FBXO4: variants seen among roughly 807,000 people sequenced by gnomAD.
The protein encoded by FBXO4 is F-box only protein 4.
A neutral mutation model predicts 43.7 loss-of-function variants in FBXO4; 36 were observed. That is an observed-to-expected ratio of 0.82 (90% CI 0.63 to 1.09). FBXO4 has a LOEUF of 1.09. Ranked by LOEUF, FBXO4 falls within the 50% of genes least tolerant of loss-of-function variation. The pLI is 0.00. For missense variants in FBXO4, 435 were observed against 474.1 expected (o/e 0.92, Z 0.77); for synonymous variants, 180 against 165.6 (o/e 1.09, Z -0.67).
chr5:41,929,648 A>C (rs747358027), intron 2 of FBXO4, 49 bp from the exon 3 acceptor site: 9 of 1,353,402 alleles, frequency 6.6e-6, no homozygotes, highest in Non-Finnish European at 9.2e-6. Context: ...TTGAATGAAT[A>C]ACTGGCTGTT....
the FBXO4 span, among the ~76,000 whole-genome samples, chr5:42,005,436 C>A: frequency 6.6e-6 from 1 of 152,078 alleles, no homozygotes. Context: ...ATTTACAAAC[C>A]ATTTTCAGAT....
At chr5:41,939,320 C>T (rs1751935008) in intron 5 of FBXO4, 121 bp from the exon 6 acceptor site, 14 of 822,874 alleles carry the variant, frequency 1.7e-5, no homozygotes, top group Middle Eastern at 3.8e-4. Flanking sequence ...GATTTTTTTC[C>T]CTCAGTTTAT....
chr5:41,971,346 G>A, the FBXO4 span, among the ~76,000 whole-genome samples: 13 of 151,774 alleles, frequency 8.6e-5, no homozygotes, highest in Non-Finnish European at 1.9e-4. Context: ...TTCCTATAGT[G>A]CATATGTGCT....
the FBXO4 span, among the ~76,000 whole-genome samples, chr5:41,970,232 T>C: frequency 6.6e-6 from 1 of 152,076 alleles, no homozygotes; most frequent in Admixed American, 6.5e-5. Context: ...ATCCTGAAAT[T>C]GAAAAATGCT....
chr5:41,990,826 G>C, the FBXO4 span, among the ~76,000 whole-genome samples: 5 of 152,128 alleles, frequency 3.3e-5, no homozygotes, highest in South Asian at 2.1e-4. Context: ...TATTAGGCCA[G>C]GCAACTTCTT....
At chr5:41,939,069 G>A (rs1751927897) in intron 5 of FBXO4, among the ~76,000 whole-genome samples, 1 of 152,200 alleles carries the variant, frequency 6.6e-6, no homozygotes, top group African/African-American at 2.4e-5. Flanking sequence ...TTATGCAAGG[G>A]TTTGGAACAT....
At chr5:41,936,851 C>T (rs1460715392) in intron 5 of FBXO4, among the ~76,000 whole-genome samples, 1 of 151,286 alleles carries the variant, frequency 6.6e-6, no homozygotes, top group Non-Finnish European at 1.5e-5. Context: ...AGGAAACTTT[C>T]TTAAAGGGAC....
Position 41,925,443 on chromosome 5 carries a change from G to T in FBXO4, c.134G>T (p.Arg45Leu), listed in dbSNP as rs376237718. The T allele has an allele frequency of 1.5e-6, 2 of 1,363,260 alleles. No homozygotes were observed. Among genetic ancestry groups the T allele is most frequent in the Non-Finnish European group, 1.9e-6 (2 of 1,051,390 alleles). 84.4% of individuals were successfully genotyped at this position (1,363,260 alleles called of 1,614,324 possible). ...WQSVSKERVA[R>L]TTSREEVDEA... ...TCAGTGAGCAAGGAGAGGGTGGCGC[G>T]TACGACCTCACGGGAGGAGGTGGAT... Residue 45 changes from arginine (R) to leucine (L), a missense_variant, in exon 1 of 7, where the codon CGT (arginine) becomes CTT (leucine). By Grantham distance (102) the Arg-to-Leu change is moderately radical. Coordinates refer to ENST00000281623, the MANE Select transcript of FBXO4 (RefSeq NM_012176.3).
chr5:41,957,441 ATATAAT>A, the FBXO4 span, among the ~76,000 whole-genome samples: 1 of 146,222 alleles, frequency 6.8e-6, no homozygotes, highest in Non-Finnish European at 1.5e-5. Flanking sequence ...TTCTATAATT[ATATAAT>A]TATATTATAA....
the FBXO4 span, among the ~76,000 whole-genome samples, chr5:41,960,582 G>A: frequency 1.3e-5 from 2 of 151,992 alleles, no homozygotes; most frequent in Admixed American, 6.5e-5. Flanking sequence ...TTTTGTTTGT[G>A]CCTTTTCTGC....
intron 3 of FBXO4, among the ~76,000 whole-genome samples, chr5:41,931,390 T>C (rs1751683306): frequency 6.6e-6 from 1 of 152,214 alleles, no homozygotes. Flanking sequence ...ACTAGGGTAA[T>C]AAATCACTGG....
chr5:42,025,348 T>C, the FBXO4 span, among the ~76,000 whole-genome samples: 1 of 152,106 alleles, frequency 6.6e-6, no homozygotes, highest in Non-Finnish European at 1.5e-5. Flanking sequence ...GCCATTTATA[T>C]GTCTTCTTTT....
At chr5:41,972,006 A>C in the FBXO4 span, among the ~76,000 whole-genome samples, 1 of 152,154 alleles carries the variant, frequency 6.6e-6, no homozygotes, top group East Asian at 1.9e-4. Context: ...AAAATCTGGA[A>C]GCATTCCCCT....
At chr5:41,947,005 C>T in the FBXO4 span, among the ~76,000 whole-genome samples, 1 of 152,194 alleles carries the variant, frequency 6.6e-6, no homozygotes, top group African/African-American at 2.4e-5. Flanking sequence ...CATTTATATT[C>T]TGATTTCATC....
At chr5:41,977,466 A>C in the FBXO4 span, among the ~76,000 whole-genome samples, 2 of 152,214 alleles carry the variant, frequency 1.3e-5, no homozygotes, top group African/African-American at 2.4e-5. Context: ...TTGCTGCTTA[A>C]AAATTTCTTC....
At chr5:41,942,266 T>C (rs1394830967), downstream of FBXO4, among the ~76,000 whole-genome samples, 1 of 152,110 alleles carries the variant, frequency 6.6e-6, no homozygotes, top group Non-Finnish European at 1.5e-5. Context: ...TATGAACATA[T>C]GGTTTCACAT....
At chr5:41,973,507 T>G in the FBXO4 span, among the ~76,000 whole-genome samples, 1 of 152,084 alleles carries the variant, frequency 6.6e-6, no homozygotes. Flanking sequence ...TGAGATCCTG[T>G]TTCTACAAAA....
chr5:41,986,335 GA>G, the FBXO4 span, among the ~76,000 whole-genome samples: 2 of 151,094 alleles, frequency 1.3e-5, no homozygotes, highest in Non-Finnish European at 3.0e-5. Flanking sequence ...AGAGAGAGAG[GA>G]AAAAAAACAA....
the FBXO4 span, among the ~76,000 whole-genome samples, chr5:41,970,869 A>C: frequency 3.9e-5 from 6 of 152,038 alleles, no homozygotes; most frequent in Non-Finnish European, 7.4e-5. Context: ...GTTCAATAAT[A>C]GTATGGCAAA....
Sources: allele counts gnomAD v4.1 joint callset (sites outside exome capture counted in the v4.1 genomes callset), GRCh38; gene constraint gnomAD v4.1.1; transcripts MANE v1.5; gene names NCBI Gene and HGNC (gene_info 2026-07-23, HGNC 2026-07-21).